Variants in NUBPL observed in about 807,000 individuals in gnomAD.
NUBPL encodes the protein NUBP iron-sulfur cluster assembly factor, mitochondrial, also known as iron-sulfur cluster transfer protein NUBPL.
In NUBPL, 31 loss-of-function variants were observed where a neutral mutation model predicts 45.7. The observed-to-expected ratio is 0.68, with a 90% CI of 0.51 to 0.92. NUBPL has a LOEUF of 0.92. NUBPL is among the 40% of genes least tolerant of loss of function. NUBPL has a pLI of 0.00. For synonymous variants in NUBPL, 144 were observed against 140.9 expected, an observed-to-expected ratio of 1.02 and a Z score of -0.15; for missense variants, 401 against 398.7, an observed-to-expected ratio of 1.01 and a Z score of -0.05.
At chr14:31,668,491 C>T (rs188306321) in intron 4 of NUBPL, among the ~76,000 whole-genome samples, 39 of 152,256 alleles carry the variant, frequency 2.6e-4, no homozygotes, top group African/African-American at 8.2e-4. Flanking sequence ...CTTAGCTTGC[C>T]GGGCTCTGTA....
rs115958139 is a variant in NUBPL at position 31,704,747 on chromosome 14, G to T, written c.513+31173G>T. On this transcript the variant is annotated intron_variant, in intron 6 of 10. Coordinates refer to ENST00000281081, the MANE Select transcript of NUBPL (RefSeq NM_025152.3). Reference sequence around the variant, plus strand: ...CTTGTTAAAGATGTTGGCACTTCCTGTTCCCTCTAGTTCTACCCACCACCT... The same window carrying T: ...CTTGTTAAAGATGTTGGCACTTCCTTTTCCCTCTAGTTCTACCCACCACCT... Among the ~76,000 whole-genome samples the T allele has an allele frequency of 8.9e-4, 135 of 151,908 alleles. 1 individual carries two copies. The highest frequency in any genetic ancestry group is 3.2e-3 in the African/African-American group (132 of 41,400).
intron 6 of NUBPL, among the ~76,000 whole-genome samples, chr14:31,759,535 A>G (rs1244352221): frequency 2.0e-5 from 3 of 152,058 alleles, no homozygotes. Flanking sequence ...ATTACCTCAT[A>G]TACTTAGCAT....
intron 7 of NUBPL, among the ~76,000 whole-genome samples, chr14:31,788,411 T>C (rs2039323290): frequency 6.6e-6 from 1 of 152,208 alleles, no homozygotes; most frequent in Non-Finnish European, 1.5e-5. Context: ...TTGGCTAGTT[T>C]CCCACTTCTG....
intron 6 of NUBPL, among the ~76,000 whole-genome samples, chr14:31,740,483 A>T (rs2038260070): frequency 1.3e-5 from 2 of 152,284 alleles, no homozygotes; most frequent in East Asian, 3.9e-4. Flanking sequence ...TCTTTGGCCA[A>T]TTTTTAAATT....
chr14:31,675,857 T>G lies in NUBPL; in HGVS notation c.513+2283T>G, dbSNP rs555894148. Among the ~76,000 whole-genome samples, 4 of 152,346 alleles carry G rather than the reference T, an allele frequency of 2.6e-5. No individual in the cohort carries two copies. In the East Asian group the frequency reaches 7.7e-4, roughly 29 times the overall value. On this transcript the variant is annotated intron_variant, in intron 6 of 10. Coordinates refer to ENST00000281081, the MANE Select transcript of NUBPL (RefSeq NM_025152.3). ...GATTTTTGATAAATATATATACCTA[T>G]GTAATCATAACCCAATCAAACTAAA... is the stretch of plus-strand genomic sequence containing the variant.
chr14:31,790,613 AG>A (rs1427077921), intron 7 of NUBPL, among the ~76,000 whole-genome samples: 6 of 152,104 alleles, frequency 3.9e-5, no homozygotes, highest in Non-Finnish European at 8.8e-5. Flanking sequence ...GCACTTTGGG[AG>A]GCTGAGGCAG....
intron 4 of NUBPL, among the ~76,000 whole-genome samples, chr14:31,666,263 A>AG: frequency 8.9e-6 from 1 of 111,888 alleles, no homozygotes; most frequent in African/African-American, 3.1e-5. Context: ...ATATATATAT[A>AG]ATTTTATTTT....
chr14:31,607,364 C>T lies in NUBPL; in HGVS notation c.382+7985C>T, dbSNP rs145749804. Among the ~76,000 whole-genome samples, 3 of 148,812 alleles carry T rather than the reference C, an allele frequency of 2.0e-5. No individual in the cohort carries two copies. The East Asian group carries it at 6.0e-4, about 30-fold the overall frequency. ...TGCCACTGCACTGCAGCCTGGGTGA[C>T]AGAGTGAGACTTTGTCTCAAAAAAA... On this transcript the variant is annotated intron_variant, in intron 4 of 10. Transcript: ENST00000281081.
intron 6 of NUBPL, among the ~76,000 whole-genome samples, chr14:31,722,645 T>C (rs1042419123): frequency 3.9e-5 from 6 of 152,192 alleles, no homozygotes; most frequent in Non-Finnish European, 2.9e-5. Flanking sequence ...TGGTGTGAGA[T>C]GGTATCTCAT....
chr14:31,806,442 G>A (rs113046484), intron 7 of NUBPL, among the ~76,000 whole-genome samples: 111 of 152,152 alleles, frequency 7.3e-4, no homozygotes, highest in African/African-American at 2.2e-3. Flanking sequence ...TTTAACCTTA[G>A]AGTTCAACAT....
chr14:31,588,289 A>G (rs957712137), intron 3 of NUBPL, among the ~76,000 whole-genome samples: 9 of 152,166 alleles, frequency 5.9e-5, no homozygotes, highest in Non-Finnish European at 4.4e-5. Flanking sequence ...TGTGTTTAGG[A>G]AGTACCTGGC....
At chr14:31,629,294 A>G (rs148630695) in intron 4 of NUBPL, among the ~76,000 whole-genome samples, 44 of 152,270 alleles carry the variant, frequency 2.9e-4, no homozygotes, top group African/African-American at 1.0e-3. Flanking sequence ...TATTAAAGTG[A>G]TGTGGAAGTG....
intron 8 of NUBPL, chr14:31,844,869 T>C (rs2040428486): frequency 6.6e-6 from 1 of 152,230 alleles, no homozygotes; most frequent in Non-Finnish European, 1.5e-5. Context: ...GAGCTACTGC[T>C]CCTCATCAAT....
At chr14:31,725,486 G>T (rs2037900452) in intron 6 of NUBPL, among the ~76,000 whole-genome samples, 1 of 152,056 alleles carries the variant, frequency 6.6e-6, no homozygotes, top group Non-Finnish European at 1.5e-5. Flanking sequence ...ATACCTTGAG[G>T]ATGGGATCCA....
intron 3 of NUBPL, among the ~76,000 whole-genome samples, chr14:31,586,496 C>T (rs1566429493): frequency 6.6e-6 from 1 of 152,180 alleles, no homozygotes; most frequent in Non-Finnish European, 1.5e-5. Context: ...AGTAGCTCAA[C>T]TAGAAAGTAG....
At chr14:31,651,918 A>G (rs1595439202) in intron 4 of NUBPL, among the ~76,000 whole-genome samples, 1 of 151,882 alleles carries the variant, frequency 6.6e-6, no homozygotes, top group Non-Finnish European at 1.5e-5. Flanking sequence ...AAAAAAGAAA[A>G]AAAGAAAAAT....
intron 7 of NUBPL, among the ~76,000 whole-genome samples, chr14:31,817,444 C>T (rs2039940790): frequency 6.6e-6 from 1 of 152,124 alleles, no homozygotes. Context: ...TCGGGTTACC[C>T]ACAAAGGGAA....
intron 8 of NUBPL, among the ~76,000 whole-genome samples, chr14:31,834,178 CTTT>C (rs34255943): frequency 9.3e-6 from 1 of 107,004 alleles, no homozygotes; most frequent in Non-Finnish European, 1.8e-5. Context: ...TGGCCTGGAA[CTTT>C]TTTTTTTTTT....
chr14:31,720,592 T>C (rs2037786741), intron 6 of NUBPL, among the ~76,000 whole-genome samples: 1 of 152,178 alleles, frequency 6.6e-6, no homozygotes, highest in South Asian at 2.1e-4. Flanking sequence ...TAGAACGTAC[T>C]ACCTCTCACC....
Sources: allele counts gnomAD v4.1 joint callset (sites outside exome capture counted in the v4.1 genomes callset), GRCh38; gene constraint gnomAD v4.1.1; transcripts MANE v1.5; gene names NCBI Gene and HGNC (gene_info 2026-07-23, HGNC 2026-07-21).